FAM200B: variants seen among roughly 807,000 people sequenced by gnomAD.
FAM200B encodes zinc finger BED-type containing 11, also known as protein FAM200B.
Under a neutral mutation model 33.1 loss-of-function variants are expected in FAM200B, and 32 were observed. That is an observed-to-expected ratio of 0.97 (90% CI 0.73 to 1.30). FAM200B has a LOEUF of 1.30. Among genes scored for constraint, FAM200B ranks in the 50% most tolerant of loss-of-function variants. The probability of loss-of-function intolerance (pLI) is 0.00; values close to 1 mark genes in which losing one functional copy is unlikely to be tolerated. For synonymous variants in FAM200B, 240 were observed against 264.8 expected (o/e 0.91, Z 0.91); for missense variants, 741 against 754.0 (o/e 0.98, Z 0.20).
chr4:15,639,074 G>T, the FAM200B span, among the ~76,000 whole-genome samples: 1 of 152,204 alleles, frequency 6.6e-6, no homozygotes, highest in Non-Finnish European at 1.5e-5. Flanking sequence ...TGAGGCAGGA[G>T]AATCACTTGA....
At chr4:15,651,066 AC>A in the FAM200B span, among the ~76,000 whole-genome samples, 1 of 152,208 alleles carries the variant, frequency 6.6e-6, no homozygotes, top group Non-Finnish European at 1.5e-5. Context: ...AAACGGCATA[AC>A]AAAAACACAT....
chr4:15,652,367 G>A, the FAM200B span, among the ~76,000 whole-genome samples: 2 of 152,180 alleles, frequency 1.3e-5, no homozygotes, highest in South Asian at 2.1e-4. Context: ...AGCTGCTTAT[G>A]TAACCTTGGC....
the FAM200B span, among the ~76,000 whole-genome samples, chr4:15,645,718 C>T: frequency 5.3e-5 from 8 of 152,226 alleles, no homozygotes; most frequent in South Asian, 6.2e-4. Flanking sequence ...TAAGCTACCA[C>T]GCCCGGCCTA....
the FAM200B span, among the ~76,000 whole-genome samples, chr4:15,650,707 G>A: frequency 8.8e-6 from 1 of 113,100 alleles, no homozygotes; most frequent in African/African-American, 3.5e-5. Flanking sequence ...TCACTCTGTC[G>A]CCCAGGCTGG....
the FAM200B span, among the ~76,000 whole-genome samples, chr4:15,638,149 A>G: frequency 6.6e-6 from 1 of 152,218 alleles, no homozygotes; most frequent in Non-Finnish European, 1.5e-5. Flanking sequence ...AAGCAGGATG[A>G]TATCGCAAAA....
the FAM200B span, among the ~76,000 whole-genome samples, chr4:15,646,849 T>C: frequency 6.6e-6 from 1 of 152,126 alleles, no homozygotes; most frequent in African/African-American, 2.4e-5. Flanking sequence ...TTCCAGCTTC[T>C]AGATATTATT....
chr4:15,684,153 G>C (rs17405797), intron 1 of FAM200B, among the ~76,000 whole-genome samples: 14,162 of 152,262 alleles, frequency 0.093, 796 homozygotes, highest in Non-Finnish European at 0.13. Flanking sequence ...TTAAGCATCA[G>C]TGTACACATT....
chr4:15,639,352 C>A, the FAM200B span, among the ~76,000 whole-genome samples: 5 of 152,144 alleles, frequency 3.3e-5, no homozygotes, highest in Non-Finnish European at 7.3e-5. Context: ...TGAACTCCAC[C>A]CAAACAGGGC....
At chr4:15,649,071 C>CA in the FAM200B span, among the ~76,000 whole-genome samples, 1 of 150,892 alleles carries the variant, frequency 6.6e-6, no homozygotes, top group Non-Finnish European at 1.5e-5. Context: ...GTGGAGAATA[C>CA]AAAATATTTT....
the FAM200B span, among the ~76,000 whole-genome samples, chr4:15,642,153 T>C: frequency 5.3e-5 from 8 of 152,240 alleles, no homozygotes; most frequent in African/African-American, 1.7e-4. Flanking sequence ...TAAGGAGCTA[T>C]AAACTTCTTC....
At chr4:15,640,860 A>G in the FAM200B span, 78 of 1,546,618 alleles carry the variant, frequency 5.0e-5, no homozygotes, top group African/African-American at 9.5e-4. Context: ...GTTGTTTTGC[A>G]TAATTTAACT....
At chr4:15,646,368 A>AT in the FAM200B span, among the ~76,000 whole-genome samples, 91,358 of 149,746 alleles carry the variant, frequency 0.61, 28,110 homozygotes, top group Non-Finnish European at 0.65. Flanking sequence ...CATATTATAG[A>AT]TTTTTTTTTA....
rs61745232 is a variant in FAM200B at position 15,688,837 on chromosome 4, G to T, written c.1860G>T (p.Gln620His). The change falls in exon 2 of 2, where the codon CAG becomes CAT. Residue 620 changes from glutamine to histidine, a missense_variant. Transcript: ENST00000422728. ...LCELGFSILT[Q>H]LKTKERNGLN... ...AACTAGGGTTTTCCATCTTAACGCA[G>T]TTAAAAACAAAGGAAAGAAATGGGC... is the stretch of plus-strand genomic sequence containing the variant. 1.1e-3 allele frequency: 1,690 copies of T among 1,551,450 alleles called. 25 individuals carry two copies. The African/African-American group carries it at 0.021, about 19-fold the overall frequency.
chr4:15,638,794 C>CAT, the FAM200B span: 1 of 684,406 alleles, frequency 1.5e-6, no homozygotes, highest in Non-Finnish European at 2.3e-6. Flanking sequence ...GTATTATGAC[C>CAT]ATATATCTCA....
At chr4:15,651,586 GA>G in the FAM200B span, among the ~76,000 whole-genome samples, 2 of 152,166 alleles carry the variant, frequency 1.3e-5, no homozygotes, top group African/African-American at 4.8e-5. Context: ...AAAAATGGCG[GA>G]GGGGGGAAGG....
chr4:15,649,578 C>CAAAAAAAAAAAAAA, the FAM200B span, among the ~76,000 whole-genome samples: 1 of 81,350 alleles, frequency 1.2e-5, no homozygotes, highest in Non-Finnish European at 2.4e-5. Context: ...GACTACGTCT[C>CAAAAAAAAAAAAAA]AAAAAAAAAA....
chr4:15,655,319 G>A, the FAM200B span: 4 of 1,360,338 alleles, frequency 2.9e-6, no homozygotes, highest in Non-Finnish European at 3.9e-6. Flanking sequence ...CTCAGCAGCC[G>A]CGGCCGCCGC....
chr4:15,641,731 T>C, the FAM200B span: 2 of 395,076 alleles, frequency 5.1e-6, no homozygotes, highest in Non-Finnish European at 4.9e-6. Context: ...CAACTGTACC[T>C]GTTAACATTA....
the FAM200B span, among the ~76,000 whole-genome samples, chr4:15,665,439 C>T: frequency 6.6e-6 from 1 of 152,144 alleles, no homozygotes; most frequent in Non-Finnish European, 1.5e-5. Context: ...TTAGGATGGT[C>T]TACCTTGCAG....
Sources: allele counts gnomAD v4.1 joint callset (sites outside exome capture counted in the v4.1 genomes callset), GRCh38; gene constraint gnomAD v4.1.1; transcripts MANE v1.5; gene names NCBI Gene and HGNC (gene_info 2026-07-23, HGNC 2026-07-21).